The following MYO3A variants were observed in gnomAD, a reference collection of about 807,000 sequenced individuals.
MYO3A encodes the protein myosin IIIA.
Under a neutral mutation model 192.7 loss-of-function variants are expected in MYO3A, and 180 were observed. The ratio of observed to expected loss-of-function variants is 0.93; its 90% confidence interval spans 0.83 to 1.06. The LOEUF (loss-of-function observed/expected upper bound fraction) is 1.06, where lower values mean the gene tolerates loss of function less well. Ranked by LOEUF, MYO3A falls within the 50% of genes least tolerant of loss-of-function variation. The pLI is 0.00. For synonymous variants in MYO3A, 628 were observed against 645.3 expected (o/e 0.97, Z 0.41); for missense variants, 1,896 against 1,905.0 (o/e 1.00, Z 0.09).
chr10:26,080,878 G>A (rs948952152), intron 14 of MYO3A, among the ~76,000 whole-genome samples: 1 of 152,162 alleles, frequency 6.6e-6, no homozygotes, highest in Non-Finnish European at 1.5e-5. Context: ...GCTGGGGGTT[G>A]TCCACACAGA....
chr10:26,030,117 C>G (rs1239144220), intron 10 of MYO3A, among the ~76,000 whole-genome samples: 2 of 152,110 alleles, frequency 1.3e-5, no homozygotes, highest in Non-Finnish European at 2.9e-5. Context: ...CACACTCAGC[C>G]CCATTCTTCC....
Position 26,125,291 on chromosome 10 carries a change from A to T in MYO3A, c.1904-107A>T, listed in dbSNP as rs1588999397. 3 of 953,396 alleles carry T rather than the reference A, an allele frequency of 3.1e-6. No individual in the cohort carries two copies. In the East Asian group the frequency reaches 7.8e-5, roughly 25 times the overall value. The allele number at this position is 953,396 out of a possible 1,614,324, so 59.1% of individuals were successfully genotyped here. ...TATTTTTACATTACATAATCTCCAC[A>T]CATTTAATTCATGTCATTTGAAGAA... On this transcript the variant is annotated intron_variant, in intron 18 of 34. Coordinates refer to ENST00000642920, the MANE Select transcript of MYO3A (RefSeq NM_017433.5).
At chr10:26,112,314 G>A (rs559245418) in intron 17 of MYO3A, among the ~76,000 whole-genome samples, 2 of 152,276 alleles carry the variant, frequency 1.3e-5, no homozygotes, top group South Asian at 2.1e-4. Context: ...GTGATTCTCC[G>A]AGGGTGTGGT....
At chr10:25,973,348 C>T (rs185886708) in intron 4 of MYO3A, among the ~76,000 whole-genome samples, 1 of 152,204 alleles carries the variant, frequency 6.6e-6, no homozygotes, top group Admixed American at 6.5e-5. Context: ...TAAAACTTTG[C>T]TGAAGTTATT....
chr10:25,954,805 T>C (rs956265992), intron 3 of MYO3A, 69 bp from the exon 4 acceptor site: 50 of 1,486,284 alleles, frequency 3.4e-5, no homozygotes, highest in Non-Finnish European at 4.3e-5. Flanking sequence ...TTTGGTATTC[T>C]ATAATCTGTT....
At chr10:26,037,244 A>T (rs1351568558) in intron 10 of MYO3A, among the ~76,000 whole-genome samples, 3 of 152,216 alleles carry the variant, frequency 2.0e-5, no homozygotes, top group African/African-American at 7.2e-5. Flanking sequence ...TTAATCATCT[A>T]TGTCTCCAGT....
At chr10:26,034,918 A>G (rs994250110) in intron 10 of MYO3A, among the ~76,000 whole-genome samples, 1 of 141,250 alleles carries the variant, frequency 7.1e-6, no homozygotes, top group African/African-American at 2.5e-5. Flanking sequence ...TGTTTTTTTT[A>G]CATGAAGCGT....
At chr10:26,021,099 A>G (rs1294540314) in intron 7 of MYO3A, among the ~76,000 whole-genome samples, 3 of 151,976 alleles carry the variant, frequency 2.0e-5, no homozygotes, top group Non-Finnish European at 4.4e-5. Flanking sequence ...TATTTCCTCC[A>G]CTTTTAATTC....
At chr10:25,963,674 A>G (rs1014867079) in intron 4 of MYO3A, among the ~76,000 whole-genome samples, 1 of 152,130 alleles carries the variant, frequency 6.6e-6, no homozygotes, top group African/African-American at 2.4e-5. Flanking sequence ...GATTCCTTTC[A>G]TGTTCTTAAG....
chr10:25,977,083 A>C (rs756321737), intron 4 of MYO3A, among the ~76,000 whole-genome samples: 2 of 152,196 alleles, frequency 1.3e-5, no homozygotes, highest in African/African-American at 4.8e-5. Context: ...GCAAAAGACC[A>C]TATTTGAAAT....
rs575804901 is a variant in MYO3A, at chr10:26,205,465, T to C, written c.4730+2358T>C. Reference sequence around the variant, plus strand: ...TACTCACTGCTCTGTGTGCTTGTCTTTTTTTTTTTTTTTTGGGGGGGGGCT... The same window carrying C: ...TACTCACTGCTCTGTGTGCTTGTCTCTTTTTTTTTTTTTTGGGGGGGGGCT... On this transcript the variant is annotated intron_variant, in intron 34 of 34. Transcript: ENST00000642920. Among the ~76,000 whole-genome samples, 943 of 113,344 alleles carry C rather than the reference T, an allele frequency of 8.3e-3. 19 individuals carry two copies. The highest frequency in any genetic ancestry group is 0.057 in the African/African-American group (902 of 15,958). 74.4% of individuals were successfully genotyped at this position (113,344 alleles called of 152,430 possible).
rs965069547 is a variant in MYO3A, at chr10:26,179,860, G to A, written c.4438+3015G>A. Among the ~76,000 whole-genome samples the A allele has an allele frequency of 3.9e-5, 6 of 152,152 alleles. No homozygotes were observed. In the East Asian group the frequency reaches 1.2e-3, roughly 29 times the overall value. On this transcript the variant is annotated intron_variant, in intron 31 of 34. Transcript: ENST00000642920. ...TTAATTAATTAATTTTTGAGACAGA[G>A]TCTCACTCTTTCACCCAGGCTGGAG... is the stretch of plus-strand genomic sequence containing the variant.
At chr10:26,002,277 A>G (rs1840876954) in intron 6 of MYO3A, among the ~76,000 whole-genome samples, 2 of 152,228 alleles carry the variant, frequency 1.3e-5, no homozygotes, top group Non-Finnish European at 2.9e-5. Context: ...TTTCAGTACC[A>G]CAAAAGAAAT....
rs912550661 is a variant in MYO3A at position 26,086,574 on chromosome 10, C to T, written c.1360-1629C>T. The stretch of plus-strand genomic sequence containing the variant: ...TTGACCTAGTGGCTTAATATAACCT[C>T]TCCTTACCAGATTTGTGACCCTTTC... On this transcript the variant is annotated intron_variant, in intron 14 of 34. Transcript: ENST00000642920. Among the ~76,000 whole-genome samples the T allele has an allele frequency of 2.0e-5, 3 of 152,064 alleles. No individual in the cohort carries two copies. The East Asian group carries it at 5.8e-4, about 29-fold the overall frequency.
At chr10:26,028,172 C>T (rs1157000572) in intron 10 of MYO3A, among the ~76,000 whole-genome samples, 1 of 152,120 alleles carries the variant, frequency 6.6e-6, no homozygotes, top group African/African-American at 2.4e-5. Flanking sequence ...TACAACAAGT[C>T]TGAGGAAAAT....
intron 31 of MYO3A, among the ~76,000 whole-genome samples, chr10:26,184,173 C>T (rs987562390): frequency 6.6e-6 from 1 of 152,320 alleles, no homozygotes; most frequent in African/African-American, 2.4e-5. Flanking sequence ...GTGCAGCTCT[C>T]TTTAAGTCTA....
chr10:26,066,376 TTAAA>T (rs1192057229), intron 10 of MYO3A, among the ~76,000 whole-genome samples: 1 of 152,170 alleles, frequency 6.6e-6, no homozygotes, highest in African/African-American at 2.4e-5. Flanking sequence ...CCAGAAAAGT[TTAAA>T]TAAACCATTG....
chr10:26,010,322 C>T (rs192041479), intron 6 of MYO3A, among the ~76,000 whole-genome samples: 79 of 151,498 alleles, frequency 5.2e-4, no homozygotes, highest in African/African-American at 1.9e-3. Flanking sequence ...TAGAAAGAAG[C>T]TTAAATATCA....
chr10:26,154,989 T>C (rs1841028780), intron 25 of MYO3A, among the ~76,000 whole-genome samples, 166 bp downstream of exon 25: 1 of 152,210 alleles, frequency 6.6e-6, no homozygotes, highest in Admixed American at 6.5e-5. Flanking sequence ...TGCAGATTGG[T>C]TTATTTTTAC....
Sources: allele counts gnomAD v4.1 joint callset (sites outside exome capture counted in the v4.1 genomes callset), GRCh38; gene constraint gnomAD v4.1.1; transcripts MANE v1.5; gene names NCBI Gene and HGNC (gene_info 2026-07-23, HGNC 2026-07-21).